TFEB: variants seen among roughly 807,000 people sequenced by gnomAD.
TFEB encodes T-cell transcription factor EB.
In TFEB, 12 loss-of-function variants were observed where a neutral mutation model predicts 48.0. The ratio of observed to expected loss-of-function variants is 0.25; its 90% confidence interval spans 0.16 to 0.40. The LOEUF (loss-of-function observed/expected upper bound fraction) is 0.40. TFEB is among the 10% of genes least tolerant of loss of function. TFEB has a pLI of 1.00. For synonymous variants in TFEB, 244 were observed against 261.4 expected, an observed-to-expected ratio of 0.93 and a Z score of 0.64; for missense variants, 509 against 640.3, an observed-to-expected ratio of 0.79 and a Z score of 2.21.
chr6:41,708,511 C>A (rs900694125), intron 1 of TFEB, among the ~76,000 whole-genome samples: 17 of 152,264 alleles, frequency 1.1e-4, no homozygotes, highest in African/African-American at 3.6e-4. Context: ...CTGGGGAACT[C>A]TAAAGCATAT....
rs1417381607 is a variant in TFEB at position 41,690,776 on chromosome 6, G to A, written c.355C>T (p.Pro119Ser). The change falls in exon 3 of 9, where the codon CCA (proline) becomes TCA (serine). Residue 119 changes from proline (P) to serine (S), a missense_variant. Around this residue, in one of 4 missense-constraint regions of TFEB, gnomAD observed 251 missense variants for 317.2 expected, o/e 0.79. Transcript: ENST00000373033. ...GCTCGCACCCCTGGGGAGGCGGCTG[G>A]TGGGGGTTTCGGAGAGCCCTGGGCT... ...SPAQGSPKPP[P>S]AASPGVRAGH... 8 of 1,611,508 alleles carry A rather than the reference G, an allele frequency of 5.0e-6. No homozygotes were observed. Among genetic ancestry groups the A allele is most frequent in the Non-Finnish European group, 6.8e-6 (8 of 1,178,592 alleles).
At chr6:41,712,989 T>C (rs1194679161) in intron 1 of TFEB, among the ~76,000 whole-genome samples, 1 of 152,238 alleles carries the variant, frequency 6.6e-6, no homozygotes, top group East Asian at 1.9e-4. Context: ...GGCTGCTCGC[T>C]TGCGAGGCAT....
chr6:41,687,532 G>T (rs540758126), intron 6 of TFEB, among the ~76,000 whole-genome samples: 2 of 152,310 alleles, frequency 1.3e-5, no homozygotes, highest in East Asian at 1.9e-4. Flanking sequence ...TCCCTTACAG[G>T]AATCCTTCCT....
At chr6:41,721,248 G>A (rs1197101639) in intron 1 of TFEB, among the ~76,000 whole-genome samples, 2 of 152,114 alleles carry the variant, frequency 1.3e-5, no homozygotes, top group Non-Finnish European at 2.9e-5. Context: ...CTGCTGCTGC[G>A]CCTTATATTC....
At chr6:41,688,994 C>A (rs541647854) in intron 4 of TFEB, among the ~76,000 whole-genome samples, 1 of 152,216 alleles carries the variant, frequency 6.6e-6, no homozygotes, top group African/African-American at 2.4e-5. Flanking sequence ...ACCTGCCCAG[C>A]GTACACACCT....
At chr6:41,685,556 C>G (rs1768955017) in intron 8 of TFEB, among the ~76,000 whole-genome samples, 2 of 152,190 alleles carry the variant, frequency 1.3e-5, no homozygotes, top group South Asian at 4.1e-4. Flanking sequence ...ACAAGAGGCC[C>G]TCAACTCAGA....
In TFEB at chr6:41,687,815, G is replaced by C; in HGVS notation, c.671-6C>G. On this transcript the variant is annotated splice_region_variant and splice_polypyrimidine_tract_variant and intron_variant, in intron 5 of 8. Coordinates refer to ENST00000373033, the MANE Select transcript of TFEB (RefSeq NM_001271944.2). ...CAGGGCCCTGCTCTCAGCATCTGGA[G>C]GCCAAAAGAGAAGGAGAGAGGAGCT... 1 of 1,613,536 alleles carries C rather than the reference G, an allele frequency of 6.2e-7. No homozygotes were observed. Among genetic ancestry groups the C allele is most frequent in the South Asian group, 1.1e-5 (1 of 90,958 alleles).
chr6:41,690,729 G>A lies in TFEB; in HGVS notation c.402C>T (p.Ser134=), dbSNP rs777139304. 18 of 1,591,228 alleles carry A rather than the reference G, an allele frequency of 1.1e-5. No individual in the cohort carries two copies. Among genetic ancestry groups the A allele is most frequent in the African/African-American group, 2.7e-5 (2 of 74,466 alleles). The change falls in exon 3 of 9, where the codon TCC becomes TCT. Residue 134 remains serine, a synonymous_variant. Transcript: ENST00000373033. The part of the protein sequence containing the change: ...GVRAGHVLSS[S]AGNSAPNSPM... ...GGCTATTGGGAGCACTGTTGCCAGC[G>A]GAGGAGGACAGCACGTGTCCAGCTC...
intron 1 of TFEB, among the ~76,000 whole-genome samples, chr6:41,719,073 C>T (rs1188477763): frequency 6.6e-6 from 1 of 152,200 alleles, no homozygotes; most frequent in Admixed American, 6.5e-5. Flanking sequence ...ACCTGAGCTC[C>T]ACCTCCTGTC....
intron 1 of TFEB, chr6:41,733,820 A>G (rs752055130): frequency 2.0e-6 from 2 of 985,454 alleles, no homozygotes; most frequent in South Asian, 9.4e-5. Context: ...TCGTGGCACC[A>G]AGAACTGCGT....
At chr6:41,710,959 G>C (rs1424040325) in intron 1 of TFEB, among the ~76,000 whole-genome samples, 1 of 152,208 alleles carries the variant, frequency 6.6e-6, no homozygotes, top group Non-Finnish European at 1.5e-5. Flanking sequence ...GGAATACAAG[G>C]ATGAATAAGA....
chr6:41,733,133 G>T, intron 1 of TFEB: 1 of 825,834 alleles, frequency 1.2e-6, no homozygotes, highest in Non-Finnish European at 1.5e-6. Context: ...ACCCTCAAAG[G>T]GCAGCCAGAC....
intron 1 of TFEB, among the ~76,000 whole-genome samples, chr6:41,707,462 G>A (rs1040703383): frequency 2.6e-5 from 4 of 152,144 alleles, no homozygotes; most frequent in Non-Finnish European, 4.4e-5. Flanking sequence ...GTGACTTGGC[G>A]TGCCTGCCTG....
At chr6:41,715,974 C>T (rs73735939) in intron 1 of TFEB, among the ~76,000 whole-genome samples, 3,725 of 152,262 alleles carry the variant, frequency 0.024, 161 homozygotes, top group African/African-American at 0.084. Flanking sequence ...AGCCTCATCT[C>T]ACTCAAAGAA....
rs1177769583 is a variant in TFEB, at chr6:41,687,995, T to C, written c.583A>G (p.Ser195Gly). ...GAGGCTGTGACCTGGGGGTCGCTGC[T>C]GTACACATTCAGGTGGCTGCTGGAC... ...PLSSSHLNVY[S>G]SDPQVTASLV... Residue 195 changes from serine (S) to glycine (G), a missense_variant, in exon 5 of 9, where the codon AGC (serine) becomes GGC (glycine). Around this residue, in one of 4 missense-constraint regions of TFEB, gnomAD observed 251 missense variants for 317.2 expected, o/e 0.79. Coordinates refer to ENST00000373033, the MANE Select transcript of TFEB (RefSeq NM_001271944.2). The C allele has an allele frequency of 6.2e-7, 1 of 1,613,452 alleles. No individual in the cohort carries two copies. The highest frequency in any genetic ancestry group is 1.3e-5 in the African/African-American group (1 of 74,872).
Position 41,690,719 on chromosome 6 carries a change from T to A in TFEB, c.412A>T (p.Ser138Cys). 1 of 1,584,182 alleles carries A rather than the reference T, an allele frequency of 6.3e-7. No homozygotes were observed. The highest frequency in any genetic ancestry group is 8.6e-7 in the Non-Finnish European group (1 of 1,160,960). ...ATGGCCATGGGGCTATTGGGAGCAC[T>A]GTTGCCAGCGGAGGAGGACAGCACG... ...GHVLSSSAGN[S>C]APNSPMAMLH... Residue 138 changes from serine (S) to cysteine (C), a missense_variant, in exon 3 of 9, where the codon AGT (serine) becomes TGT (cysteine). This residue lies in a region of TFEB where 251 missense variants were observed against 317.2 expected (regional missense o/e 0.79). Coordinates refer to ENST00000373033, the MANE Select transcript of TFEB (RefSeq NM_001271944.2).
At chr6:41,696,009 C>A (rs919269662) in intron 1 of TFEB, among the ~76,000 whole-genome samples, 6 of 152,170 alleles carry the variant, frequency 3.9e-5, no homozygotes, top group Non-Finnish European at 5.9e-5. Flanking sequence ...CACCGAGTGG[C>A]CAGCAGAGGC....
chr6:41,697,316 G>A (rs1217382031), intron 1 of TFEB, among the ~76,000 whole-genome samples: 3 of 146,172 alleles, frequency 2.1e-5, no homozygotes, highest in Admixed American at 1.4e-4. Flanking sequence ...GCTGAGGCAG[G>A]AGAATTGCTT....
rs887504538 is a variant in TFEB at position 41,733,991 on chromosome 6, C to G, written c.-23+1359G>C. 7.9e-5 allele frequency: 39 copies of G among 495,462 alleles called. No individual in the cohort carries two copies. The Admixed American group carries it at 1.4e-3, about 18-fold the overall frequency. The allele number at this position is 495,462 out of a possible 1,614,324, so 30.7% of individuals were successfully genotyped here. A position where few individuals can be genotyped will look rare whatever the true frequency, so the allele number is the denominator to read the frequency against. On this transcript the variant is annotated intron_variant, in intron 1 of 8. Coordinates refer to ENST00000373033, the MANE Select transcript of TFEB (RefSeq NM_001271944.2). The stretch of plus-strand genomic sequence containing the variant: ...CACACCCCAGAGGTGTCACTGGGGG[C>G]CTGCATCCGTCTTGTCCCTTTCCCT...
Sources: gnomAD v4.1 joint callset for allele counts (sites outside exome capture counted in the v4.1 genomes callset) on GRCh38, gnomAD v4.1.1 for gene constraint, gnomAD v4.1.1 regional missense constraint, MANE v1.5 for transcripts, NCBI Gene and HGNC (gene_info 2026-07-23, HGNC 2026-07-21) for gene names.